MCF2: variants seen among roughly 807,000 people sequenced by gnomAD.
The protein encoded by MCF2 is proto-oncogene DBL.
In MCF2, 44 loss-of-function variants were observed where a neutral mutation model predicts 82.5. The ratio of observed to expected loss-of-function variants is 0.53; its 90% CI spans 0.42 to 0.69. The LOEUF is 0.69. MCF2 is among the 30% of genes least tolerant of loss of function. The pLI is 0.00. For missense variants in MCF2, 623 were observed against 663.1 expected (o/e 0.94, Z 0.66); for synonymous variants, 217 against 224.9 (o/e 0.96, Z 0.32).
In MCF2 at chrX:139,650,469, GAATT is replaced by G. The variant is rs1407584755; in HGVS notation, c.25+1247_25+1250del. Reference sequence around the variant, plus strand: ...GAGCATGTGAGTGCCATTTTTCAGAGAATTAATTAAACTATTTAGAAGGAATAAG... The same window carrying G: ...GAGCATGTGAGTGCCATTTTTCAGAGAATTAAACTATTTAGAAGGAATAAG... On this transcript the variant is annotated intron_variant, in intron 2 of 27. Coordinates refer to the MCF2 transcript ENST00000414978. Among the ~76,000 whole-genome samples the G allele has an allele frequency of 3.3e-4, 36 of 107,979 alleles. No homozygotes were observed. The Admixed American group carries it at 3.4e-3, about 10-fold the overall frequency. 93.8% of individuals were successfully genotyped at this position (107,979 alleles called of 115,157 possible).
chrX:139,587,961 G>A (rs774001879), intron 21 of MCF2, among the ~76,000 whole-genome samples, 173 bp from the exon 26 acceptor site: 1 of 110,613 alleles, frequency 9.0e-6, no homozygotes, highest in African/African-American at 3.3e-5. Flanking sequence ...TCTCAAGTTT[G>A]AATTTGGAAA....
chrX:139,662,499 C>A (rs890839551), intron 1 of MCF2, among the ~76,000 whole-genome samples: 1 of 110,825 alleles, frequency 9.0e-6, no homozygotes, highest in African/African-American at 3.3e-5. Context: ...GTGGTACTGA[C>A]ATAAGGATAG....
intron 1 of MCF2, among the ~76,000 whole-genome samples, chrX:139,641,329 T>A (rs1716674798): frequency 9.1e-6 from 1 of 110,201 alleles, no homozygotes; most frequent in Non-Finnish European, 1.9e-5. Context: ...AAATCGTCTG[T>A]TAAAAGTCTG....
At chrX:139,616,164 G>T in intron 9 of MCF2, 118 bp downstream of exon 12, 1 of 358,938 alleles carries the variant, frequency 2.8e-6, no homozygotes, top group Non-Finnish European at 4.8e-6. Flanking sequence ...CCCCTAAGAG[G>T]ACAATGTAAG....
chrX:139,615,623 G>A (rs1426067692), intron 9 of MCF2, among the ~76,000 whole-genome samples: 1 of 111,480 alleles, frequency 9.0e-6, no homozygotes. Flanking sequence ...GATTTCCTGG[G>A]GCATCCCCTA....
intron 1 of MCF2, among the ~76,000 whole-genome samples, chrX:139,665,922 TATATACAC>T (rs1182248450): frequency 2.6e-5 from 2 of 76,320 alleles, no homozygotes; most frequent in African/African-American, 1.8e-4. Context: ...TATATATATA[TATATACAC>T]ACACACACAA....
At chrX:139,703,604 G>A (rs756784907) in intron 1 of MCF2, among the ~76,000 whole-genome samples, 7 of 111,264 alleles carry the variant, frequency 6.3e-5, no homozygotes, top group African/African-American at 2.0e-4. Context: ...GCATGATGGC[G>A]GGTGCCTGTA....
Position 139,605,835 on chromosome X carries a change from A to G in MCF2, c.1491-56T>C, listed in dbSNP as rs2148436296. The G allele has an allele frequency of 3.3e-6, 3 of 904,453 alleles. No homozygotes were observed. In the East Asian group the frequency reaches 9.8e-5, roughly 30 times the overall value. The allele number at this position is 904,453 out of a possible 1,213,427, so 74.5% of individuals were successfully genotyped here. A position where few individuals can be genotyped will look rare whatever the true frequency, so the allele number is the denominator to read the frequency against. On this transcript the variant is annotated intron_variant, in intron 12 of 24. Coordinates refer to ENST00000370576, the Ensembl canonical transcript of MCF2. ...TTTTATTACTGAGATCTATATTGCA[A>G]TGTTTCAAGTATTATCATCATGAGA...
rs771794694 is a variant in MCF2, at chrX:139,624,373, C to G, written c.687+1820G>C. The stretch of plus-strand genomic sequence containing the variant: ...CTGGGCAACACAGTGAGACCCCATC[C>G]CCACAAAAATTAAAAAGTTAGCCAG... On this transcript the variant is annotated intron_variant, in intron 6 of 24. Transcript: ENST00000370576. Among the ~76,000 whole-genome samples, 12 of 109,286 alleles carry G rather than the reference C, an allele frequency of 1.1e-4. No homozygotes were observed. The South Asian group carries it at 2.0e-3, about 18-fold the overall frequency. The allele number at this position is 109,286 out of a possible 115,157, so 94.9% of individuals were successfully genotyped here.
At position 139,616,490 on chromosome X, in the gene MCF2, G is replaced by T; in HGVS notation, c.1000-17C>A. On this transcript the variant is annotated splice_polypyrimidine_tract_variant and intron_variant, in intron 8 of 24. Transcript: ENST00000370576. ...TTGACGAGCCTGGTAAGAAAATCAA[G>T]AAGAAAAAAAAAAAATATGAATTAA... 1 of 870,853 alleles carries T rather than the reference G, an allele frequency of 1.1e-6. No individual in the cohort carries two copies. Among genetic ancestry groups the T allele is most frequent in the Non-Finnish European group, 1.5e-6 (1 of 673,665 alleles). 71.8% of individuals were successfully genotyped at this position (870,853 alleles called of 1,213,427 possible).
Position 139,626,612 on chromosome X carries a change from A to G in MCF2, c.572+11T>C. On this transcript the variant is annotated intron_variant, in intron 5 of 24. Transcript: ENST00000370576. ...AAATAAGTAACTCTAAACCAAAAAG[A>G]GAGTACTCACTTATTAATAGTTTGC... 8.3e-7 allele frequency: 1 copy of G among 1,197,826 alleles called. No homozygotes were observed. Among genetic ancestry groups the G allele is most frequent in the Non-Finnish European group, 1.1e-6 (1 of 886,782 alleles).
At chrX:139,668,021 C>T (rs192530388) in intron 1 of MCF2, among the ~76,000 whole-genome samples, 166 of 111,808 alleles carry the variant, frequency 1.5e-3, no homozygotes, top group African/African-American at 5.2e-3. Context: ...CTGTAGGAGC[C>T]CCATGACTCA....
chrX:139,647,580 A>C (rs989898484), upstream of MCF2, among the ~76,000 whole-genome samples: 2 of 111,127 alleles, frequency 1.8e-5, no homozygotes, highest in African/African-American at 6.5e-5. Flanking sequence ...ATCTTGACCA[A>C]GTGGGTGACC....
intron 4 of MCF2, among the ~76,000 whole-genome samples, chrX:139,627,827 T>G (rs755920538): frequency 2.7e-5 from 3 of 111,912 alleles, no homozygotes; most frequent in East Asian, 5.7e-4. Context: ...CCTGACAACA[T>G]GCAGTTTGTG....
chrX:139,641,976 A>G (rs916024716), intron 1 of MCF2, among the ~76,000 whole-genome samples: 5 of 111,406 alleles, frequency 4.5e-5, no homozygotes, highest in Non-Finnish European at 7.5e-5. Flanking sequence ...TTGAAACCAT[A>G]AGGATTTCAA....
rs1337155727 is a variant in MCF2 at position 139,619,508 on chromosome X, A to G, written c.807+79T>C. On this transcript the variant is annotated intron_variant, in intron 7 of 24. Coordinates refer to ENST00000370576, the Ensembl canonical transcript of MCF2. ...AATAAAAATAAAGAAATTAATAATA[A>G]GGGTTTATACTACCTACTCCCGCCA... 8 of 701,676 alleles carry G rather than the reference A, an allele frequency of 1.1e-5. No homozygotes were observed. The African/African-American group carries it at 1.4e-4, about 12-fold the overall frequency. 57.8% of individuals were successfully genotyped at this position (701,676 alleles called of 1,213,427 possible).
At chrX:139,623,578 G>T (rs975023000) in intron 6 of MCF2, among the ~76,000 whole-genome samples, 2 of 111,266 alleles carry the variant, frequency 1.8e-5, no homozygotes, top group East Asian at 5.7e-4. Flanking sequence ...CTACCAAAAG[G>T]GGGAAGAGGA....
intron 1 of MCF2, among the ~76,000 whole-genome samples, chrX:139,671,794 G>C (rs749782032): frequency 2.7e-5 from 3 of 111,816 alleles, no homozygotes; most frequent in East Asian, 5.6e-4. Context: ...CTAGGCAATG[G>C]AGGCTCTTTT....
At position 139,610,346 on chromosome X, in the gene MCF2, A is replaced by G. The variant is rs747197350; in HGVS notation, c.1364-8T>C. The G allele has an allele frequency of 8.7e-7, 1 of 1,154,523 alleles. No individual in the cohort carries two copies. The highest frequency in any genetic ancestry group is 1.2e-6 in the Non-Finnish European group (1 of 854,036). ...GTCTCCAAGTCTTCTTCCCTGGTAG[A>G]GAAATGTGAAAGAAGAATTTCAAAC... On this transcript the variant is annotated splice_polypyrimidine_tract_variant and splice_region_variant and intron_variant, in intron 10 of 24. Coordinates refer to ENST00000370576, the Ensembl canonical transcript of MCF2.
Sources: allele counts gnomAD v4.1 joint callset (sites outside exome capture counted in the v4.1 genomes callset), GRCh38; gene constraint gnomAD v4.1.1; transcripts MANE v1.5; gene names NCBI Gene and HGNC (gene_info 2026-07-23, HGNC 2026-07-21).